TRPM2: variants seen among roughly 807,000 people sequenced by gnomAD.
TRPM2 encodes the protein estrogen-responsive element-associated gene 1 protein.
In TRPM2, 161 loss-of-function variants were observed where a neutral mutation model predicts 174.0. The observed-to-expected ratio is 0.93, with a 90% CI of 0.81 to 1.05. The LOEUF (loss-of-function observed/expected upper bound fraction) is 1.05. Among genes scored for constraint, TRPM2 ranks in the 50% least tolerant of loss-of-function variants. TRPM2 has a pLI of 0.00. For synonymous variants in TRPM2, 954 were observed against 861.3 expected (o/e 1.11, Z -1.88); for missense variants, 2,057 against 2,038.0 (o/e 1.01, Z -0.18).
chr21:44,385,974 G>A (rs1288742819), intron 9 of TRPM2, among the ~76,000 whole-genome samples: 1 of 152,048 alleles, frequency 6.6e-6, no homozygotes, highest in East Asian at 1.9e-4. Flanking sequence ...GATTTGGGTG[G>A]GGACACAAAG....
chr21:44,383,415 C>T (rs1246144501), intron 9 of TRPM2, among the ~76,000 whole-genome samples: 1 of 152,220 alleles, frequency 6.6e-6, no homozygotes, highest in East Asian at 1.9e-4. Flanking sequence ...GCTTCTCACC[C>T]TCCAGGGTCG....
At chr21:44,358,742 G>A (rs564219271) in intron 2 of TRPM2, among the ~76,000 whole-genome samples, 2 of 152,078 alleles carry the variant, frequency 1.3e-5, no homozygotes, top group East Asian at 1.9e-4. Flanking sequence ...CCCCACCTCC[G>A]ACCCAGGTCT....
intron 11 of TRPM2, among the ~76,000 whole-genome samples, chr21:44,392,580 A>G (rs2049216514): frequency 6.6e-6 from 1 of 151,978 alleles, no homozygotes; most frequent in South Asian, 2.1e-4. Flanking sequence ...CCCTCTTTTT[A>G]TAAAGAGAAC....
chr21:44,429,149 C>T (rs961550843), intron 27 of TRPM2, among the ~76,000 whole-genome samples: 1 of 151,778 alleles, frequency 6.6e-6, no homozygotes. Context: ...TTATTTATGT[C>T]TTCTCTTTGT....
intron 19 of TRPM2, among the ~76,000 whole-genome samples, chr21:44,411,693 C>A (rs1341521953): frequency 1.3e-5 from 2 of 152,176 alleles, no homozygotes; most frequent in Non-Finnish European, 2.9e-5. Context: ...TCTTAGGGAA[C>A]AAGCCTTTCA....
chr21:44,370,205 C>T (rs1486045952), intron 5 of TRPM2, among the ~76,000 whole-genome samples: 4 of 152,094 alleles, frequency 2.6e-5, no homozygotes, highest in Admixed American at 1.3e-4. Context: ...GGGGCGTGGC[C>T]AGCAGGCAGC....
intron 2 of TRPM2, among the ~76,000 whole-genome samples, chr21:44,359,880 G>T (rs28615158): frequency 0.25 from 38,235 of 151,290 alleles, 5,305 homozygotes; most frequent in African/African-American, 0.39. Flanking sequence ...CCTGAGTAGC[G>T]GGGACTACAG....
intron 2 of TRPM2, among the ~76,000 whole-genome samples, chr21:44,362,071 A>G (rs1035436631): frequency 2.6e-5 from 4 of 152,258 alleles, no homozygotes; most frequent in African/African-American, 9.6e-5. Context: ...TAGATAGTAT[A>G]TTATATAATA....
chr21:44,410,085 A>T (rs2050050096), intron 19 of TRPM2, among the ~76,000 whole-genome samples: 1 of 147,996 alleles, frequency 6.8e-6, no homozygotes, highest in Non-Finnish European at 1.5e-5. Flanking sequence ...GCCTTGTAGT[A>T]AGTTTTGACC....
intron 27 of TRPM2, among the ~76,000 whole-genome samples, chr21:44,429,745 A>T (rs2050960411): frequency 6.6e-6 from 1 of 152,202 alleles, no homozygotes. Flanking sequence ...TTCTGCAAAT[A>T]ACAATATTGT....
intron 22 of TRPM2, chr21:44,422,405 G>A: frequency 6.5e-7 from 1 of 1,536,072 alleles, no homozygotes; most frequent in Non-Finnish European, 8.7e-7. Flanking sequence ...AAGGCTGTCT[G>A]GGAAAACATG....
chr21:44,441,405 T>A (rs930662156), intron 31 of TRPM2, among the ~76,000 whole-genome samples: 7 of 152,204 alleles, frequency 4.6e-5, no homozygotes, highest in Non-Finnish European at 7.4e-5. Flanking sequence ...TCCTGCATGC[T>A]CCTAATTCAG....
chr21:44,419,478 G>A (rs1389394815), intron 22 of TRPM2, among the ~76,000 whole-genome samples: 12 of 101,068 alleles, frequency 1.2e-4, no homozygotes, highest in Non-Finnish European at 2.6e-4. Flanking sequence ...ATCTGCTAAC[G>A]TGGCTGGTGC....
intron 16 of TRPM2, among the ~76,000 whole-genome samples, chr21:44,403,461 CACACACACAT>C (rs2049700736): frequency 6.6e-6 from 1 of 152,162 alleles, no homozygotes; most frequent in Admixed American, 6.6e-5. Context: ...TGCTCCAACA[CACACACACAT>C]GCACACACAT....
Position 44,427,067 on chromosome 21 carries a change from C to A in TRPM2, c.3930C>A (p.Arg1310=). 1 of 1,607,420 alleles carries A rather than the reference C, an allele frequency of 6.2e-7. No individual in the cohort carries two copies. Among genetic ancestry groups the A allele is most frequent in the Non-Finnish European group, 8.5e-7 (1 of 1,177,734 alleles). The stretch of plus-strand genomic sequence containing the variant: ...ACGTGGTGGATGGCCTGAGGGACCG[C>A]CGGAGCTTCCACGGGCCGTACACAG... ...QYNVVDGLRD[R]RSFHGPYTVQ... is the part of the protein sequence containing the mutation. The change falls in exon 27 of 32, where the codon CGC becomes CGA. Residue 1310 remains arginine (R), a synonymous_variant. Transcript: ENST00000397928.
upstream of TRPM2, among the ~76,000 whole-genome samples, chr21:44,351,124 C>A (rs918349931): frequency 1.3e-5 from 2 of 152,226 alleles, no homozygotes; most frequent in Non-Finnish European, 2.9e-5. Flanking sequence ...CCTTCCATTT[C>A]CCCGGGGAAT....
At chr21:44,435,089 C>A in intron 27 of TRPM2, 42 bp from the exon 28 acceptor site, 3 of 1,589,376 alleles carry the variant, frequency 1.9e-6, no homozygotes, top group Non-Finnish European at 2.6e-6. Context: ...CCTGCTCCCC[C>A]ATTGGTGGAC....
In TRPM2 at chr21:44,380,207, C is replaced by T. The variant is rs45506091; in HGVS notation, c.1215+1010C>T. 1.7e-3 allele frequency among the ~76,000 whole-genome samples: 262 copies of T among 152,364 alleles called. 1 individual carries two copies. The highest frequency in any genetic ancestry group is 6.1e-3 in the African/African-American group (252 of 41,594). On this transcript the variant is annotated intron_variant, in intron 8 of 31. Transcript: ENST00000397928. The stretch of plus-strand genomic sequence containing the variant: ...GGTGGCACAGTGACCTTGTTTCCTT[C>T]TGTGCTTTGCGATGGTCTCAGAGTG...
chr21:44,425,005 T>G, intron 24 of TRPM2, 66 bp downstream of exon 24: 1 of 1,416,842 alleles, frequency 7.1e-7, no homozygotes, highest in Non-Finnish European at 9.6e-7. Context: ...TGGGGTCAGT[T>G]GGGAGGAGAG....
Sources: gnomAD v4.1 joint callset for allele counts (sites outside exome capture counted in the v4.1 genomes callset) on GRCh38, gnomAD v4.1.1 for gene constraint, MANE v1.5 for transcripts, NCBI Gene and HGNC (gene_info 2026-07-23, HGNC 2026-07-21) for gene names.